RERE: variants seen among roughly 807,000 people sequenced by gnomAD.
RERE encodes the protein arginine-glutamic acid dipeptide repeats, also known as arginine-glutamic acid dipeptide repeats protein.
Under a neutral mutation model 146.1 loss-of-function variants are expected in RERE, and 40 were observed. That is an observed-to-expected ratio of 0.27 (90% confidence interval 0.21 to 0.36). The LOEUF (loss-of-function observed/expected upper bound fraction) is 0.36. Ranked by LOEUF, RERE falls within the 10% of genes least tolerant of loss-of-function variation. The pLI, the probability that RERE is intolerant of heterozygous loss-of-function variation, is 1.00. For synonymous variants in RERE, 1,003 were observed against 866.0 expected (o/e 1.16, Z -2.78); for missense variants, 1,933 against 2,138.7 (o/e 0.90, Z 1.90).
Position 8,556,001 on chromosome 1 carries a change from C to T in RERE, c.725+474G>A, listed in dbSNP as rs1485450861. ...TTGCCTGGGTTCTCAAGTAATTACA[C>T]GCTGCCATATCTGCTTCATCCATTT... On this transcript the variant is annotated intron_variant, in intron 6 of 22. Coordinates refer to ENST00000400908, the MANE Select transcript of RERE (RefSeq NM_001042681.2). Among the ~76,000 whole-genome samples the T allele has an allele frequency of 4.6e-5, 7 of 152,206 alleles. No homozygotes were observed. The East Asian group carries it at 1.2e-3, about 25-fold the overall frequency.
chr1:8,539,825 T>A (rs1324430508), intron 7 of RERE, among the ~76,000 whole-genome samples: 2 of 151,976 alleles, frequency 1.3e-5, no homozygotes, highest in Admixed American at 1.3e-4. Context: ...CATCCAATAT[T>A]GAGAGGAAGA....
intron 1 of RERE, among the ~76,000 whole-genome samples, chr1:8,748,746 C>T (rs1032979335): frequency 2.6e-5 from 4 of 152,184 alleles, no homozygotes; most frequent in Admixed American, 2.6e-4. Flanking sequence ...TTCCCAGCCC[C>T]AAAGGTGTGG....
At chr1:8,789,933 A>G (rs1641333996) in intron 1 of RERE, among the ~76,000 whole-genome samples, 1 of 152,200 alleles carries the variant, frequency 6.6e-6, no homozygotes, top group East Asian at 1.9e-4. Flanking sequence ...TTGTTATGCT[A>G]AACAGTAAGT....
At chr1:8,732,515 T>C (rs1278644834) in intron 1 of RERE, among the ~76,000 whole-genome samples, 1 of 152,178 alleles carries the variant, frequency 6.6e-6, no homozygotes, top group Non-Finnish European at 1.5e-5. Flanking sequence ...AAGGGAGAGA[T>C]GATTACATGG....
intron 11 of RERE, among the ~76,000 whole-genome samples, chr1:8,446,117 C>T (rs1181732831): frequency 2.6e-5 from 4 of 152,132 alleles, no homozygotes; most frequent in Non-Finnish European, 2.9e-5. Flanking sequence ...TTCTCTTTCG[C>T]TTATGAAGCT....
intron 11 of RERE, among the ~76,000 whole-genome samples, chr1:8,462,507 G>A (rs1475624342): frequency 6.6e-6 from 1 of 152,242 alleles, no homozygotes; most frequent in East Asian, 1.9e-4. Flanking sequence ...ACTGGCATGA[G>A]AGGTTAGTTT....
intron 1 of RERE, among the ~76,000 whole-genome samples, chr1:8,734,050 T>G (rs1640147023): frequency 6.6e-6 from 1 of 152,194 alleles, no homozygotes; most frequent in African/African-American, 2.4e-5. Flanking sequence ...GAGGTTGCAG[T>G]CAGCCGAAAT....
At chr1:8,745,798 G>A (rs1165103853) in intron 1 of RERE, among the ~76,000 whole-genome samples, 2 of 152,118 alleles carry the variant, frequency 1.3e-5, no homozygotes, top group Non-Finnish European at 2.9e-5. Flanking sequence ...GGTCGTGAAC[G>A]GTGGCTCACA....
intron 2 of RERE, among the ~76,000 whole-genome samples, chr1:8,632,629 C>T (rs746133283): frequency 2.6e-5 from 4 of 152,194 alleles, no homozygotes; most frequent in Non-Finnish European, 4.4e-5. Flanking sequence ...TGACAGTTAA[C>T]TGTAGTCTGC....
At chr1:8,428,889 C>G (rs997942434) in intron 11 of RERE, among the ~76,000 whole-genome samples, 4 of 152,166 alleles carry the variant, frequency 2.6e-5, no homozygotes, top group Non-Finnish European at 5.9e-5. Context: ...CACCCCCTGT[C>G]ATAGTCCCCC....
intron 11 of RERE, among the ~76,000 whole-genome samples, chr1:8,432,117 T>C (rs1164290133): frequency 6.6e-6 from 1 of 152,208 alleles, no homozygotes; most frequent in Admixed American, 6.5e-5. Flanking sequence ...TATATTAATG[T>C]GTTCTCTTAT....
intron 1 of RERE, among the ~76,000 whole-genome samples, chr1:8,787,632 A>G (rs764864846): frequency 6.6e-6 from 1 of 151,988 alleles, no homozygotes; most frequent in African/African-American, 2.4e-5. Context: ...GGAGTTCCAG[A>G]CCACCCTGGC....
intron 12 of RERE, among the ~76,000 whole-genome samples, chr1:8,401,831 CA>C: frequency 6.6e-6 from 1 of 151,892 alleles, no homozygotes. Context: ...GTAAACAATA[CA>C]ACACAGTGTA....
At chr1:8,445,458 T>G (rs1644304574) in intron 11 of RERE, among the ~76,000 whole-genome samples, 1 of 152,216 alleles carries the variant, frequency 6.6e-6, no homozygotes, top group Admixed American at 6.5e-5. Flanking sequence ...CAGCCTGGAC[T>G]CTCACATACC....
chr1:8,670,002 C>G (rs1487956445), intron 1 of RERE, among the ~76,000 whole-genome samples: 3 of 152,196 alleles, frequency 2.0e-5, no homozygotes, highest in African/African-American at 7.2e-5. Context: ...ATCGGAGCAG[C>G]TCTTTTAAAC....
Position 8,359,981 on chromosome 1 carries a change from T to A in RERE, c.3401A>T (p.Tyr1134Phe). The A allele has an allele frequency of 6.2e-7, 1 of 1,612,502 alleles. No homozygotes were observed. The highest frequency in any genetic ancestry group is 1.3e-5 in the African/African-American group (1 of 75,046). The stretch of plus-strand genomic sequence containing the variant: ...GTTGTAGCCCCGGTCCAGGTGTTTG[T>A]AGAACCTGAGAAAAGCCACAGATCT... The part of the protein sequence containing the change: ...PSHASQSARF[Y>F]KHLDRGYNSC... The change falls in exon 19 of 23, where the codon TAC (tyrosine) becomes TTC (phenylalanine). Residue 1134 changes from tyrosine (Y) to phenylalanine (F), a missense_variant. Coordinates refer to ENST00000400908, the MANE Select transcript of RERE (RefSeq NM_001042681.2).
chr1:8,735,660 G>A (rs190065131), intron 1 of RERE, among the ~76,000 whole-genome samples: 11 of 152,192 alleles, frequency 7.2e-5, no homozygotes, highest in African/African-American at 2.4e-4. Flanking sequence ...CCGGTGGGAG[G>A]TGATTGGATC....
At chr1:8,738,086 G>A (rs965276806) in intron 1 of RERE, among the ~76,000 whole-genome samples, 1 of 152,020 alleles carries the variant, frequency 6.6e-6, no homozygotes, top group Non-Finnish European at 1.5e-5. Flanking sequence ...TGTGGGACTG[G>A]GCTGTCAAGC....
chr1:8,669,185 C>CCA (rs561877176), intron 1 of RERE, among the ~76,000 whole-genome samples: 35 of 151,540 alleles, frequency 2.3e-4, no homozygotes, highest in African/African-American at 7.8e-4. Flanking sequence ...CAATACCCCC[C>CCA]CCAACTCGGC....
Sources: allele counts gnomAD v4.1 joint callset (sites outside exome capture counted in the v4.1 genomes callset), GRCh38; gene constraint gnomAD v4.1.1; transcripts MANE v1.5; gene names NCBI Gene and HGNC (gene_info 2026-07-23, HGNC 2026-07-21).